Variants in EMCN observed in about 807,000 individuals in gnomAD.
The protein encoded by EMCN is endomucin.
In EMCN, 37 loss-of-function variants were observed where a neutral mutation model predicts 38.4. That is an observed-to-expected ratio of 0.96 (90% CI 0.74 to 1.27). The LOEUF is 1.27. Ranked by LOEUF, EMCN falls within the 50% of genes most tolerant of loss-of-function variation. EMCN has a pLI of 0.00. For synonymous variants in EMCN, 95 were observed against 100.8 expected (o/e 0.94, Z 0.35); for missense variants, 318 against 302.8 (o/e 1.05, Z -0.37).
At chr4:100,448,795 T>TCTTCCTTCCTTC (rs1553929060) in intron 4 of EMCN, among the ~76,000 whole-genome samples, 1 of 114,318 alleles carries the variant, frequency 8.7e-6, no homozygotes. Flanking sequence ...TGCCTTGAAG[T>TCTTCCTTCCTTC]CTTCCTTCCT....
intron 5 of EMCN, among the ~76,000 whole-genome samples, chr4:100,440,417 AG>A (rs1727478368): frequency 6.6e-6 from 1 of 151,948 alleles, no homozygotes; most frequent in Non-Finnish European, 1.5e-5. Flanking sequence ...GAGCCTCTAA[AG>A]TTTATTATAT....
chr4:100,460,199 T>C (rs1402446638), intron 4 of EMCN, among the ~76,000 whole-genome samples: 1 of 152,210 alleles, frequency 6.6e-6, no homozygotes, highest in Non-Finnish European at 1.5e-5. Context: ...TATTTTCATA[T>C]GTCTGTTGGC....
At chr4:100,430,225 T>C (rs962847684) in intron 5 of EMCN, among the ~76,000 whole-genome samples, 3 of 152,148 alleles carry the variant, frequency 2.0e-5, no homozygotes, top group Non-Finnish European at 4.4e-5. Flanking sequence ...AACTGATGCC[T>C]TGAGAGATTC....
intron 4 of EMCN, among the ~76,000 whole-genome samples, chr4:100,452,973 A>C (rs1727890950): frequency 6.6e-6 from 1 of 152,216 alleles, no homozygotes; most frequent in South Asian, 2.1e-4. Context: ...CTGGCTAGCC[A>C]TATGTAGAAA....
intron 5 of EMCN, among the ~76,000 whole-genome samples, chr4:100,430,665 A>G (rs1479506711): frequency 6.6e-6 from 1 of 152,178 alleles, no homozygotes; most frequent in Non-Finnish European, 1.5e-5. Context: ...TTCAGTGCAG[A>G]CTAGGGTGGT....
intron 5 of EMCN, among the ~76,000 whole-genome samples, chr4:100,423,941 G>A (rs1447125745): frequency 6.6e-6 from 1 of 151,832 alleles, no homozygotes; most frequent in Non-Finnish European, 1.5e-5. Context: ...TCAGCAGCTG[G>A]TTTTATTATG....
chr4:100,411,996 C>A (rs1248646272), intron 10 of EMCN, among the ~76,000 whole-genome samples: 2 of 151,946 alleles, frequency 1.3e-5, no homozygotes, highest in Admixed American at 6.6e-5. Flanking sequence ...AATAAATAAG[C>A]AAACAAAGAT....
At chr4:100,449,969 A>G (rs1227714454) in intron 4 of EMCN, among the ~76,000 whole-genome samples, 1 of 152,064 alleles carries the variant, frequency 6.6e-6, no homozygotes, top group African/African-American at 2.4e-5. Context: ...ACATAAATAC[A>G]ACTTTCAAAT....
chr4:100,413,477 G>A (rs527608953), intron 10 of EMCN, among the ~76,000 whole-genome samples: 5 of 152,142 alleles, frequency 3.3e-5, no homozygotes, highest in African/African-American at 1.2e-4. Flanking sequence ...AGTGAGCATA[G>A]CATTATAAAG....
intron 1 of EMCN, among the ~76,000 whole-genome samples, chr4:100,490,265 T>G (rs757765133): frequency 4.6e-5 from 7 of 151,894 alleles, no homozygotes; most frequent in Non-Finnish European, 7.4e-5. Context: ...TGCAATGTGT[T>G]TGTGTTTTAA....
intron 1 of EMCN, among the ~76,000 whole-genome samples, chr4:100,501,689 A>T (rs1280718878): frequency 2.6e-5 from 4 of 152,104 alleles, no homozygotes; most frequent in African/African-American, 9.7e-5. Context: ...TTCTCATACA[A>T]ATAATGCACA....
rs528518109 is a variant in EMCN at position 100,517,982 on chromosome 4, G to A, written c.-68C>T. 6.7e-7 allele frequency: 1 copy of A among 1,499,714 alleles called. No individual in the cohort carries two copies. Among genetic ancestry groups the A allele is most frequent in the South Asian group, 1.1e-5 (1 of 88,700 alleles). The allele number at this position is 1,499,714 out of a possible 1,614,324, so 92.9% of individuals were successfully genotyped here. ...GGCAGGGACAATTCCCTCCCAGCCT[G>A]GCAGGGCCTTATTAGCAAATGGAAA... On this transcript the variant is annotated 5_prime_UTR_variant, in exon 1 of 12. Transcript: ENST00000296420.
At chr4:100,467,927 C>G (rs1728369187) in intron 3 of EMCN, among the ~76,000 whole-genome samples, 1 of 152,128 alleles carries the variant, frequency 6.6e-6, no homozygotes, top group African/African-American at 2.4e-5. Flanking sequence ...GCACTATAAT[C>G]CTAGGCAATA....
chr4:100,513,507 T>C (rs539242926), intron 1 of EMCN, among the ~76,000 whole-genome samples: 9 of 152,306 alleles, frequency 5.9e-5, no homozygotes, highest in African/African-American at 2.2e-4. Context: ...GGTAGCTCCT[T>C]GAATACTTTT....
intron 11 of EMCN, among the ~76,000 whole-genome samples, chr4:100,400,647 G>C (rs972572718): frequency 1.2e-4 from 18 of 152,102 alleles, no homozygotes; most frequent in African/African-American, 4.3e-4. Context: ...CCATAGATGA[G>C]TTTTCAAGTG....
At chr4:100,473,776 G>T in intron 3 of EMCN, 1 of 152,564 alleles carries the variant, frequency 6.6e-6, no homozygotes, top group South Asian at 1.9e-4. Flanking sequence ...TGGAAAGCTG[G>T]GAAAATCTCG....
chr4:100,411,165 A>T (rs187152075), intron 10 of EMCN, among the ~76,000 whole-genome samples: 46 of 152,308 alleles, frequency 3.0e-4, no homozygotes, highest in African/African-American at 1.1e-3. Context: ...CATCACGGCA[A>T]TAATAAATAG....
chr4:100,517,830 A>C, intron 1 of EMCN, 21 bp downstream of exon 1: 1 of 1,610,802 alleles, frequency 6.2e-7, no homozygotes, highest in Non-Finnish European at 8.5e-7. Context: ...GTACCACCAG[A>C]GGAATAAGAG....
intron 4 of EMCN, among the ~76,000 whole-genome samples, chr4:100,453,008 A>C (rs1027992068): frequency 6.6e-6 from 1 of 152,146 alleles, no homozygotes. Flanking sequence ...CCTTCCTTAC[A>C]TCTTATACAG....
Sources: gnomAD v4.1 joint callset for allele counts (sites outside exome capture counted in the v4.1 genomes callset) on GRCh38, gnomAD v4.1.1 for gene constraint, MANE v1.5 for transcripts, NCBI Gene and HGNC (gene_info 2026-07-23, HGNC 2026-07-21) for gene names.